The following RP1 variants were observed in gnomAD, a reference collection of about 807,000 sequenced individuals.
RP1 encodes oxygen-regulated protein 1.
A neutral mutation model predicts 14.8 loss-of-function variants in RP1; 16 were observed. That is an observed-to-expected ratio of 1.08 (90% confidence interval 0.73 to 1.65). The LOEUF (loss-of-function observed/expected upper bound fraction) is 1.65. Among genes scored for constraint, RP1 ranks in the 40% most tolerant of loss-of-function variants. The pLI is 0.00. For missense variants in RP1, 2,631 were observed against 2,535.0 expected (o/e 1.04, Z -0.81); for synonymous variants, 876 against 883.6 (o/e 0.99, Z 0.15).
intron 1 of RP1, among the ~76,000 whole-genome samples, chr8:54,586,836 C>G (rs572408658): frequency 6.6e-6 from 1 of 152,192 alleles, no homozygotes; most frequent in African/African-American, 2.4e-5. Context: ...TTGCTAAGAC[C>G]ATTGGAAAAG....
At chr8:54,680,548 G>A (rs1807402770) in intron 12 of RP1, among the ~76,000 whole-genome samples, 3 of 152,142 alleles carry the variant, frequency 2.0e-5, no homozygotes, top group Admixed American at 6.6e-5. Context: ...GCTGGAAACC[G>A]TGCTGTTCAG....
chr8:54,689,521 A>G (rs961882543), intron 12 of RP1, among the ~76,000 whole-genome samples: 3 of 152,108 alleles, frequency 2.0e-5, no homozygotes, highest in African/African-American at 7.2e-5. Flanking sequence ...TAGGTTACAA[A>G]GGATGCTAAG....
At chr8:54,762,088 G>A (rs773095780) in intron 22 of RP1, among the ~76,000 whole-genome samples, 3 of 152,154 alleles carry the variant, frequency 2.0e-5, no homozygotes, top group African/African-American at 4.8e-5. Context: ...CAGTCCTGGC[G>A]GGGGAGCTGG....
At chr8:54,836,561 C>A (rs1182660853) in intron 24 of RP1, among the ~76,000 whole-genome samples, 1 of 152,124 alleles carries the variant, frequency 6.6e-6, no homozygotes, top group Non-Finnish European at 1.5e-5. Context: ...ATTCAGAGGG[C>A]CACATGTCAA....
intron 25 of RP1, among the ~76,000 whole-genome samples, chr8:54,842,624 A>G (rs1213899084): frequency 6.6e-6 from 1 of 152,146 alleles, no homozygotes; most frequent in Non-Finnish European, 1.5e-5. Flanking sequence ...GCACTTTGGG[A>G]TTAGTATAGG....
chr8:54,561,612 A>T (rs1306221077), intron 1 of RP1: 1 of 152,222 alleles, frequency 6.6e-6, no homozygotes. Context: ...AACATCACAG[A>T]TGGTCAGCTT....
At chr8:54,631,400 A>AG (rs572953712), downstream of RP1, among the ~76,000 whole-genome samples, 3 of 152,328 alleles carry the variant, frequency 2.0e-5, no homozygotes, top group South Asian at 6.2e-4. Flanking sequence ...AAAGTTTTGG[A>AG]GAAAAAATAG....
chr8:54,777,990 T>C (rs1418117483), intron 23 of RP1, among the ~76,000 whole-genome samples: 2 of 152,244 alleles, frequency 1.3e-5, no homozygotes, highest in East Asian at 3.8e-4. Context: ...GCTGAAATAA[T>C]CTTAATAGTA....
intron 6 of RP1, among the ~76,000 whole-genome samples, chr8:54,657,725 C>A (rs1359091417): frequency 1.3e-5 from 2 of 152,024 alleles, no homozygotes; most frequent in African/African-American, 4.8e-5. Flanking sequence ...TAGTTATTCA[C>A]CATTTAAGAC....
At chr8:54,595,378 C>T (rs987656827) in intron 1 of RP1, among the ~76,000 whole-genome samples, 1 of 152,208 alleles carries the variant, frequency 6.6e-6, no homozygotes, top group Non-Finnish European at 1.5e-5. Flanking sequence ...ATCCGCCCGC[C>T]TCAGCCTCCC....
intron 24 of RP1, among the ~76,000 whole-genome samples, chr8:54,834,280 A>T (rs1811606465): frequency 6.6e-6 from 1 of 152,066 alleles, no homozygotes; most frequent in Admixed American, 6.6e-5. Flanking sequence ...GCTCCCTCTG[A>T]AAGTCAAGGT....
At chr8:54,735,791 T>A (rs1808904134) in intron 18 of RP1, among the ~76,000 whole-genome samples, 1 of 152,218 alleles carries the variant, frequency 6.6e-6, no homozygotes, top group Non-Finnish European at 1.5e-5. Context: ...TGTGTATGTA[T>A]GGTTAGATCC....
rs750701446 is a variant in RP1 at position 54,625,057 on chromosome 8, C to T, written c.1175C>T (p.Ser392Leu). ...LAACSFSADV[S>L]PMERSSNQEG... ...GCATGTTCATTCTCTGCAGATGTGT[C>T]ACCTATGGAGCGAAGCAGTAATCAA... is the stretch of plus-strand genomic sequence containing the variant. The change falls in exon 4 of 4, where the codon TCA becomes TTA. Residue 392 changes from serine (S) to leucine (L), a missense_variant. By Grantham distance (145) the Ser-to-Leu change is moderately radical. Transcript: ENST00000220676. The T allele has an allele frequency of 6.2e-7, 1 of 1,614,142 alleles. No homozygotes were observed. Among genetic ancestry groups the T allele is most frequent in the South Asian group, 1.1e-5 (1 of 91,062 alleles).
intron 12 of RP1, chr8:54,696,591 A>T: frequency 1.4e-6 from 1 of 734,754 alleles, no homozygotes; most frequent in East Asian, 2.5e-5. Context: ...CAGAAACGTG[A>T]CAAAGTACGT....
intron 12 of RP1, among the ~76,000 whole-genome samples, chr8:54,686,893 A>G (rs1807576106): frequency 6.6e-6 from 1 of 152,112 alleles, no homozygotes; most frequent in African/African-American, 2.4e-5. Context: ...TAATTGATTC[A>G]TGCTACTAAA....
At chr8:54,600,450 G>A (rs528573758) in intron 1 of RP1, among the ~76,000 whole-genome samples, 17 of 152,282 alleles carry the variant, frequency 1.1e-4, no homozygotes, top group African/African-American at 4.1e-4. Flanking sequence ...CGGGGAGTTG[G>A]GGAGGGATTT....
In RP1 at chr8:54,621,495, A is replaced by G. The variant is rs1805874590; in HGVS notation, c.529A>G (p.Thr177Ala). The change falls in exon 2 of 4, where the codon ACC (threonine) becomes GCC (alanine). Residue 177 changes from threonine (T) to alanine (A), a missense_variant. Transcript: ENST00000220676. ...RRAVLLSRRV[T>A]QSFEAFLQHL... ...TGCGGTTCTTCTGAGCAGGAGGGTC[A>G]CCCAGAGCTTCGAGGCATTTCTACA... 2.5e-6 allele frequency: 4 copies of G among 1,614,064 alleles called. No homozygotes were observed. In the East Asian group the frequency reaches 8.9e-5, roughly 36 times the overall value.
At chr8:54,781,180 G>A (rs1306662213) in intron 23 of RP1, 1 of 304,348 alleles carries the variant, frequency 3.3e-6, no homozygotes, top group East Asian at 1.7e-4. Context: ...AGAATGAAAG[G>A]GCACAGCCTG....
intron 12 of RP1, chr8:54,697,225 G>A (rs1807890227): frequency 1.5e-5 from 10 of 645,268 alleles, no homozygotes; most frequent in Non-Finnish European, 2.2e-5. Flanking sequence ...TATTTCCTGC[G>A]TTATCTTCAA....
Sources: allele counts gnomAD v4.1 joint callset (sites outside exome capture counted in the v4.1 genomes callset), GRCh38; gene constraint gnomAD v4.1.1; transcripts MANE v1.5; gene names NCBI Gene and HGNC (gene_info 2026-07-23, HGNC 2026-07-21).